The following CNOT4 variants were observed in gnomAD, a reference collection of about 807,000 sequenced individuals.
CNOT4 encodes the protein CCR4-NOT transcription complex subunit 4.
In CNOT4, 8 loss-of-function variants were observed where a neutral mutation model predicts 73.8. The observed-to-expected ratio is 0.11, with a 90% CI of 0.06 to 0.20. CNOT4 has a LOEUF of 0.20. Among genes scored for constraint, CNOT4 ranks in the 10% least tolerant of loss-of-function variants. The pLI, the probability that CNOT4 is intolerant of heterozygous loss-of-function variation, is 1.00. For synonymous variants in CNOT4, 293 were observed against 321.1 expected (o/e 0.91, Z 0.94); for missense variants, 564 against 883.4 (o/e 0.64, Z 4.58).
At chr7:135,418,976 C>T (rs1798024885) in intron 3 of CNOT4, among the ~76,000 whole-genome samples, 1 of 151,996 alleles carries the variant, frequency 6.6e-6, no homozygotes, top group African/African-American at 2.4e-5. Flanking sequence ...CTAACTACTT[C>T]CCCCCTACCC....
chr7:135,407,251 A>G (rs1797342575), intron 7 of CNOT4, among the ~76,000 whole-genome samples: 1 of 152,216 alleles, frequency 6.6e-6, no homozygotes, highest in Non-Finnish European at 1.5e-5. Context: ...CTTCTTTATA[A>G]ATTATCCAGT....
At chr7:135,373,018 A>G (rs1795305943) in intron 10 of CNOT4, among the ~76,000 whole-genome samples, 1 of 152,258 alleles carries the variant, frequency 6.6e-6, no homozygotes, top group African/African-American at 2.4e-5. Flanking sequence ...AAAGAAAAGA[A>G]AATTAGAGGA....
At chr7:135,382,771 T>C (rs1795920214) in intron 10 of CNOT4, among the ~76,000 whole-genome samples, 1 of 152,172 alleles carries the variant, frequency 6.6e-6, no homozygotes. Context: ...TTAGAAGTAA[T>C]CTAGAGATTA....
chr7:135,373,640 G>C (rs1039658740), intron 10 of CNOT4, among the ~76,000 whole-genome samples: 24 of 152,088 alleles, frequency 1.6e-4, no homozygotes, highest in Non-Finnish European at 3.2e-4. Flanking sequence ...TGCAATGCTC[G>C]ATCTCGGCTC....
At chr7:135,463,291 A>T (rs973858945) in intron 1 of CNOT4, among the ~76,000 whole-genome samples, 1 of 152,166 alleles carries the variant, frequency 6.6e-6, no homozygotes, top group Non-Finnish European at 1.5e-5. Flanking sequence ...TAATCCCAGC[A>T]CTTTGGGAGG....
In CNOT4 at chr7:135,364,792, T is replaced by C. The variant is rs1794825643; in HGVS notation, c.1628-726A>G. ...ACAGTTTTCTGGGTCTATTTATGAATAGTATCAAACATGAGAAGACACTAG... is the reference window on the plus strand; with the variant it reads ...ACAGTTTTCTGGGTCTATTTATGAACAGTATCAAACATGAGAAGACACTAG... On this transcript the variant is annotated intron_variant, in intron 10 of 11. Coordinates refer to ENST00000541284, the MANE Select transcript of CNOT4 (RefSeq NM_001190850.2). The surrounding 1 kb of genome is among the most constrained non-coding windows in gnomAD (Gnocchi z 4.3). 6.6e-6 allele frequency among the ~76,000 whole-genome samples: 1 copy of C among 152,214 alleles called. No individual in the cohort carries two copies. The highest frequency in any genetic ancestry group is 1.5e-5 in the Non-Finnish European group (1 of 68,028).
At chr7:135,443,524 A>C (rs1296322629) in intron 1 of CNOT4, among the ~76,000 whole-genome samples, 1 of 152,206 alleles carries the variant, frequency 6.6e-6, no homozygotes, top group South Asian at 2.1e-4. Flanking sequence ...GGTAAGACAG[A>C]AGTCACGATT....
At chr7:135,425,056 T>C (rs1257516147) in intron 2 of CNOT4, among the ~76,000 whole-genome samples, 1 of 152,228 alleles carries the variant, frequency 6.6e-6, no homozygotes, top group Non-Finnish European at 1.5e-5. Context: ...CAGTGGACTC[T>C]GCAGAATAAG....
chr7:135,395,136 C>A (rs1162847544), intron 9 of CNOT4, among the ~76,000 whole-genome samples: 4 of 151,978 alleles, frequency 2.6e-5, no homozygotes, highest in Non-Finnish European at 5.9e-5. Context: ...GCCTGTAATC[C>A]CAGCACTTTG....
At chr7:135,425,336 C>G (rs2129484685) in intron 2 of CNOT4, among the ~76,000 whole-genome samples, 1 of 152,130 alleles carries the variant, frequency 6.6e-6, no homozygotes, top group South Asian at 2.1e-4. Flanking sequence ...GAGGCAAAGT[C>G]ATGTAATATT....
chr7:135,382,974 C>G (rs1414963330), intron 10 of CNOT4, among the ~76,000 whole-genome samples: 1 of 152,054 alleles, frequency 6.6e-6, no homozygotes, highest in Admixed American at 6.5e-5. Flanking sequence ...GAGGTCACCT[C>G]CTAAGTATAC....
At chr7:135,380,403 G>A (rs2129482894) in intron 10 of CNOT4, among the ~76,000 whole-genome samples, 1 of 152,244 alleles carries the variant, frequency 6.6e-6, no homozygotes, top group East Asian at 1.9e-4. Context: ...TCTGACACTG[G>A]TAATTTTGTA....
chr7:135,388,128 A>G lies in CNOT4; in HGVS notation c.1627+5790T>C. The stretch of plus-strand genomic sequence containing the variant: ...TAGGCAGTGCATTAGAAAAGAGATT[A>G]TATTGCATTTAGGCTACAATAATTA... On this transcript the variant is annotated intron_variant, in intron 10 of 11. Transcript: ENST00000541284. The G allele has an allele frequency of 3.0e-6, 3 of 984,586 alleles. No homozygotes were observed. The South Asian group carries it at 1.4e-4, about 46-fold the overall frequency. The allele number at this position is 984,586 out of a possible 1,614,324, so 61.0% of individuals were successfully genotyped here.
At chr7:135,391,553 G>A (rs181622523) in intron 10 of CNOT4, among the ~76,000 whole-genome samples, 36 of 151,984 alleles carry the variant, frequency 2.4e-4, no homozygotes, top group African/African-American at 8.7e-4. Context: ...AGGTTTTAAT[G>A]CTCTATGGTT....
intron 10 of CNOT4, chr7:135,384,628 T>C (rs776859700): frequency 3.7e-5 from 28 of 763,912 alleles, no homozygotes; most frequent in Non-Finnish European, 5.8e-5. Context: ...CTCAGGAGCT[T>C]ATCTCTTCCC....
chr7:135,480,859 T>C (rs980408772), intron 1 of CNOT4, among the ~76,000 whole-genome samples: 2 of 150,774 alleles, frequency 1.3e-5, no homozygotes, highest in African/African-American at 4.9e-5. Flanking sequence ...ACAGGCTAAT[T>C]TGTGCTGGGA....
At chr7:135,428,834 G>A (rs1798660002) in intron 2 of CNOT4, among the ~76,000 whole-genome samples, 2 of 152,154 alleles carry the variant, frequency 1.3e-5, no homozygotes, top group African/African-American at 4.8e-5. Flanking sequence ...CCAGCCCACA[G>A]ATTTAAAAAG....
At chr7:135,433,060 G>T (rs941378555) in intron 2 of CNOT4, among the ~76,000 whole-genome samples, 1 of 152,060 alleles carries the variant, frequency 6.6e-6, no homozygotes, top group Non-Finnish European at 1.5e-5. Flanking sequence ...AATATTCTTC[G>T]ATCATATTCT....
chr7:135,406,303 C>A (rs1797278750), intron 7 of CNOT4, among the ~76,000 whole-genome samples: 1 of 100,968 alleles, frequency 9.9e-6, no homozygotes, highest in Admixed American at 1.4e-4. Context: ...CCCCACCCCC[C>A]ACCCTCCCCC....
Sources: allele counts gnomAD v4.1 joint callset (sites outside exome capture counted in the v4.1 genomes callset), GRCh38; gene constraint gnomAD v4.1.1; non-coding constraint Gnocchi (gnomAD v3.1); transcripts MANE v1.5; gene names NCBI Gene and HGNC (gene_info 2026-07-23, HGNC 2026-07-21).